The following DAAM2 variants were observed in gnomAD, a reference collection of about 807,000 sequenced individuals.
DAAM2 encodes the protein dishevelled associated activator of morphogenesis 2, also known as disheveled-associated activator of morphogenesis 2.
DAAM2 carries 39 observed loss-of-function variants against 120.7 expected under a neutral mutation model. The ratio of observed to expected loss-of-function variants is 0.32; its 90% CI spans 0.25 to 0.42. The LOEUF (loss-of-function observed/expected upper bound fraction) is 0.42, where lower values mean the gene tolerates loss of function less well. Ranked by LOEUF, DAAM2 falls within the 10% of genes least tolerant of loss-of-function variation. DAAM2 has a pLI of 1.00. For missense variants in DAAM2, 1,283 were observed against 1,401.7 expected, an observed-to-expected ratio of 0.92 and a Z score of 1.35; for synonymous variants, 488 against 524.9, an observed-to-expected ratio of 0.93 and a Z score of 0.96.
chr6:39,826,745 G>T (rs922963401), intron 1 of DAAM2, among the ~76,000 whole-genome samples: 1 of 152,090 alleles, frequency 6.6e-6, no homozygotes, highest in African/African-American at 2.4e-5. Context: ...GCATACTAAT[G>T]GTAGGCAAAT....
chr6:39,888,829 C>G (rs1467825274), intron 17 of DAAM2, 66 bp downstream of exon 17: 1 of 1,237,088 alleles, frequency 8.1e-7, no homozygotes, highest in Non-Finnish European at 1.2e-6. Flanking sequence ...TTCCCAACAG[C>G]CCCCAGGAGG....
intron 1 of DAAM2, among the ~76,000 whole-genome samples, chr6:39,798,524 G>A (rs1333945223): frequency 1.3e-5 from 2 of 152,180 alleles, no homozygotes; most frequent in Non-Finnish European, 2.9e-5. Flanking sequence ...AGACTAATGT[G>A]AGGTTTCTGA....
intron 1 of DAAM2, among the ~76,000 whole-genome samples, chr6:39,805,573 G>C (rs905300797): frequency 7.7e-5 from 10 of 129,492 alleles, no homozygotes; most frequent in African/African-American, 3.0e-4. Flanking sequence ...TTTTTTTTTT[G>C]AGACAGAGTC....
chr6:39,805,337 C>A (rs1761977874), intron 1 of DAAM2, among the ~76,000 whole-genome samples: 1 of 152,052 alleles, frequency 6.6e-6, no homozygotes, highest in Non-Finnish European at 1.5e-5. Context: ...GATACCTACT[C>A]CCAAATGAGG....
chr6:39,878,352 A>G lies in DAAM2; in HGVS notation c.1361-52A>G, dbSNP rs1764957628. The G allele has an allele frequency of 6.2e-7, 1 of 1,609,072 alleles. No individual in the cohort carries two copies. The highest frequency in any genetic ancestry group is 8.5e-7 in the Non-Finnish European group (1 of 1,176,912). ...CATGCCCTTCCAGGCAGGGAGTCAC[A>G]TTACTCACATTCTCTCCTTCTGTTT... is the stretch of plus-strand genomic sequence containing the variant. On this transcript the variant is annotated intron_variant, in intron 12 of 24. Transcript: ENST00000274867. The surrounding 1 kb of genome is among the most constrained non-coding windows in gnomAD (Gnocchi z 5.0).
rs746895842 is a variant in DAAM2, at chr6:39,867,576, C to G, written c.495C>G (p.Asp165Glu). ...TGCTAAATTTCCTCCGGAGCATGGA[C>G]CACGCCACCTGTGAGAGCCGCATCC... is the stretch of plus-strand genomic sequence containing the variant. ...TCLLNFLRSM[D>E]HATCESRIHT... Residue 165 changes from aspartate to glutamate, a missense_variant, in exon 6 of 25, where the codon GAC becomes GAG. Asp to Glu is a conservative substitution (Grantham distance 45). Transcript: ENST00000274867. 1.9e-5 allele frequency: 30 copies of G among 1,613,944 alleles called. No homozygotes were observed. The highest frequency in any genetic ancestry group is 1.6e-4 in the Middle Eastern group (1 of 6,084).
In DAAM2 at chr6:39,898,234, GCAAT is replaced by G. The variant is rs147255614; in HGVS notation, c.2619-640_2619-637del. ...CCACCCAAAGGGCAAGGTTGCTGGGGCAATCAGAGAGCATCTCCTCTCAGTAATT... is the reference window on the plus strand; with the variant it reads ...CCACCCAAAGGGCAAGGTTGCTGGGGCAGAGAGCATCTCCTCTCAGTAATT... On this transcript the variant is annotated intron_variant, in intron 21 of 24. Coordinates refer to ENST00000274867, the MANE Select transcript of DAAM2 (RefSeq NM_001201427.2). Among the ~76,000 whole-genome samples, 1,249 of 152,338 alleles carry G rather than the reference GCAAT, an allele frequency of 8.2e-3. 11 individuals carry two copies. The highest frequency in any genetic ancestry group is 0.021 in the Middle Eastern group (6 of 292).
chr6:39,844,392 A>C (rs1554171165), intron 1 of DAAM2, among the ~76,000 whole-genome samples: 15 of 151,170 alleles, frequency 9.9e-5, no homozygotes, highest in Middle Eastern at 3.4e-3. Flanking sequence ...ACACACACAC[A>C]CCCCACCCAG....
chr6:39,863,854 G>A (rs1296665907), intron 3 of DAAM2, among the ~76,000 whole-genome samples: 1 of 152,060 alleles, frequency 6.6e-6, no homozygotes, highest in South Asian at 2.1e-4. Flanking sequence ...ACAGGCCTAA[G>A]GGGGTCTCCT....
In DAAM2 at chr6:39,875,240, T is replaced by C. The variant is rs1764821922; in HGVS notation, c.1163-90T>C. On this transcript the variant is annotated intron_variant, in intron 10 of 24. Transcript: ENST00000274867. ...TACCATAGGTGGAGAAGGGCATGCC[T>C]CACCAGCCAGACCCCAGGCAGCAAC... 5 of 1,455,108 alleles carry C rather than the reference T, an allele frequency of 3.4e-6. No individual in the cohort carries two copies. The Admixed American group carries it at 6.1e-5, about 18-fold the overall frequency. The allele number at this position is 1,455,108 out of a possible 1,614,324, so 90.1% of individuals were successfully genotyped here. A position where few individuals can be genotyped will look rare whatever the true frequency, so the allele number is the denominator to read the frequency against.
At chr6:39,892,528 T>A (rs867940589) in intron 19 of DAAM2, among the ~76,000 whole-genome samples, 4 of 150,716 alleles carry the variant, frequency 2.7e-5, no homozygotes, top group African/African-American at 9.8e-5. Context: ...GGGCGTGGAG[T>A]TGTTGGGAGA....
chr6:39,861,366 T>C, intron 3 of DAAM2: 1 of 374,516 alleles, frequency 2.7e-6, no homozygotes, highest in East Asian at 6.7e-5. Flanking sequence ...AGCTTTGCTA[T>C]AAGAAATCAG....
rs561395579 is a variant in DAAM2, at chr6:39,850,119, G to A, written c.-56-6128G>A. ...CCCGCAGCTCTGCCATCAAACCAGGGTACTCGCATACCCTTTCCATTTGCT... is the reference window on the plus strand; with the variant it reads ...CCCGCAGCTCTGCCATCAAACCAGGATACTCGCATACCCTTTCCATTTGCT... On this transcript the variant is annotated intron_variant, in intron 1 of 24. Transcript: ENST00000274867. Among the ~76,000 whole-genome samples, 89 of 152,292 alleles carry A rather than the reference G, an allele frequency of 5.8e-4. 1 individual carries two copies. The South Asian group carries it at 9.1e-3, about 16-fold the overall frequency.
At chr6:39,864,321 C>A in intron 3 of DAAM2, 112 bp from the exon 4 acceptor site, 1 of 770,760 alleles carries the variant, frequency 1.3e-6, no homozygotes, top group South Asian at 1.7e-5. Flanking sequence ...ACCCACCCGA[C>A]ATGGGCAGAG....
intron 1 of DAAM2, among the ~76,000 whole-genome samples, chr6:39,808,075 CTTTT>C (rs34459856): frequency 7.1e-6 from 1 of 140,016 alleles, no homozygotes. Context: ...TGTTTTTGAC[CTTTT>C]TTTTTTTTTT....
chr6:39,816,928 T>C (rs114244222), intron 1 of DAAM2, among the ~76,000 whole-genome samples: 8 of 152,378 alleles, frequency 5.3e-5, no homozygotes, highest in Non-Finnish European at 1.2e-4. Context: ...TAAATACTCA[T>C]CATCACATTT....
chr6:39,828,562 C>A (rs574528359), intron 1 of DAAM2, among the ~76,000 whole-genome samples: 15 of 120,106 alleles, frequency 1.2e-4, no homozygotes, highest in African/African-American at 2.8e-4. Flanking sequence ...CCCTCCACCC[C>A]CCTCCGTCTT....
chr6:39,894,254 C>T (rs1765929075), intron 19 of DAAM2, among the ~76,000 whole-genome samples: 1 of 152,082 alleles, frequency 6.6e-6, no homozygotes, highest in African/African-American at 2.4e-5. Flanking sequence ...TTCTGTTTTG[C>T]CAACATTTTA....
Position 39,819,811 on chromosome 6 carries a change from G to A in DAAM2, c.-57+27346G>A, listed in dbSNP as rs1262635104. 4 of 152,230 alleles carry A rather than the reference G, an allele frequency of 2.6e-5. No homozygotes were observed. The East Asian group carries it at 5.8e-4, about 22-fold the overall frequency. 9.4% of individuals were successfully genotyped at this position (152,230 alleles called of 1,614,324 possible). A position where few individuals can be genotyped will look rare whatever the true frequency, so the allele number is the denominator to read the frequency against. On this transcript the variant is annotated intron_variant, in intron 1 of 24. Coordinates refer to ENST00000274867, the MANE Select transcript of DAAM2 (RefSeq NM_001201427.2). Reference sequence around the variant, plus strand: ...CACTGTGTCCTCACATGGCAGATGGGATGAGACAGCTCTCTGGGGTCTCTT... The same window carrying A: ...CACTGTGTCCTCACATGGCAGATGGAATGAGACAGCTCTCTGGGGTCTCTT...
Sources: gnomAD v4.1 joint callset for allele counts (sites outside exome capture counted in the v4.1 genomes callset) on GRCh38, gnomAD v4.1.1 for gene constraint, Gnocchi (gnomAD v3.1) non-coding constraint, MANE v1.5 for transcripts, NCBI Gene and HGNC (gene_info 2026-07-23, HGNC 2026-07-21) for gene names.